The following CSMD2 variants were observed in gnomAD, a reference collection of about 807,000 sequenced individuals.
CSMD2 encodes CUB and Sushi multiple domains 2, also known as CUB and sushi domain-containing protein 2.
A neutral mutation model predicts 398.5 loss-of-function variants in CSMD2; 130 were observed. The ratio of observed to expected loss-of-function variants is 0.33; its 90% CI spans 0.28 to 0.38. The LOEUF is 0.38. Among genes scored for constraint, CSMD2 ranks in the 10% least tolerant of loss-of-function variants. CSMD2 has a pLI of 1.00. For synonymous variants in CSMD2, 1,828 were observed against 1,908.5 expected (o/e 0.96, Z 1.10); for missense variants, 3,829 against 4,764.9 (o/e 0.80, Z 5.78).
At chr1:33,609,257 C>G (rs1347876849) in intron 41 of CSMD2, among the ~76,000 whole-genome samples, 2 of 152,170 alleles carry the variant, frequency 1.3e-5, no homozygotes, top group African/African-American at 4.8e-5. Flanking sequence ...AGAACTGATT[C>G]AGTTGCACCC....
intron 13 of CSMD2, among the ~76,000 whole-genome samples, chr1:33,750,143 A>C (rs1648019722): frequency 6.6e-6 from 1 of 152,208 alleles, no homozygotes; most frequent in East Asian, 1.9e-4. Context: ...CTGGTTGAAA[A>C]TAATTCATAT....
At chr1:33,587,336 C>A (rs1639156389) in intron 44 of CSMD2, among the ~76,000 whole-genome samples, 168 bp from the exon 45 acceptor site, 1 of 152,150 alleles carries the variant, frequency 6.6e-6, no homozygotes. Flanking sequence ...TTTTGCTTAT[C>A]TTCTGTCATC....
chr1:33,675,927 C>G (rs1300498788), intron 25 of CSMD2, among the ~76,000 whole-genome samples: 1 of 152,204 alleles, frequency 6.6e-6, no homozygotes, highest in Non-Finnish European at 1.5e-5. Flanking sequence ...GCTAAAAACT[C>G]TCAATAAATT....
chr1:33,737,324 T>C (rs1646916480), intron 15 of CSMD2, among the ~76,000 whole-genome samples: 1 of 152,198 alleles, frequency 6.6e-6, no homozygotes, highest in African/African-American at 2.4e-5. Context: ...TGTCTATTCA[T>C]GTCACGGTTG....
Position 33,714,631 on chromosome 1 carries a change from C to T in CSMD2, c.3362G>A (p.Gly1121Glu). ...CGAGCTCCACAGGCGCCGTCTGCCC[C>T]CCAGGCACGTGATGCGGGCGGTGCC... ...LEGTARITCL[G>E]GRRRLWSSPL... The change falls in exon 21 of 71, where the codon GGG becomes GAG. Residue 1121 changes from glycine (G) to glutamate (E), a missense_variant. This residue lies in a region of CSMD2 where 2,001 missense variants were observed against 2,567.1 expected (regional missense o/e 0.78). Transcript: ENST00000373381. 1 of 1,614,018 alleles carries T rather than the reference C, an allele frequency of 6.2e-7. No individual in the cohort carries two copies. The highest frequency in any genetic ancestry group is 8.5e-7 in the Non-Finnish European group (1 of 1,180,048).
intron 6 of CSMD2, among the ~76,000 whole-genome samples, chr1:33,835,947 T>C (rs953569441): frequency 7.2e-5 from 11 of 152,210 alleles, no homozygotes. Context: ...CTCTGATTTT[T>C]AGAATTTTCA....
chr1:33,665,762 C>T (rs186821233), intron 25 of CSMD2, among the ~76,000 whole-genome samples: 1 of 152,150 alleles, frequency 6.6e-6, no homozygotes, highest in Admixed American at 6.5e-5. Flanking sequence ...GTTCATTACT[C>T]TTCCAAATTG....
chr1:33,595,406 C>T (rs979399933), intron 44 of CSMD2, among the ~76,000 whole-genome samples: 1 of 152,110 alleles, frequency 6.6e-6, no homozygotes, highest in African/African-American at 2.4e-5. Flanking sequence ...TTCAATTTGT[C>T]CCATTATTGA....
intron 53 of CSMD2, among the ~76,000 whole-genome samples, chr1:33,566,776 C>T (rs962294453): frequency 6.6e-6 from 1 of 152,032 alleles, no homozygotes; most frequent in Non-Finnish European, 1.5e-5. Context: ...AGACAGCAAC[C>T]ATCTTTATAG....
At chr1:34,138,807 C>G (rs1639002516) in intron 1 of CSMD2, among the ~76,000 whole-genome samples, 1 of 152,190 alleles carries the variant, frequency 6.6e-6, no homozygotes, top group African/African-American at 2.4e-5. Context: ...AGCATATACT[C>G]CTTTTTTTGA....
At chr1:33,534,755 A>C (rs1655606124) in intron 62 of CSMD2, among the ~76,000 whole-genome samples, 1 of 152,218 alleles carries the variant, frequency 6.6e-6, no homozygotes, top group South Asian at 2.1e-4. Context: ...GGATTTCATC[A>C]TTTGACTTAG....
intron 49 of CSMD2, 110 bp downstream of exon 49, chr1:33,577,186 A>C: frequency 9.9e-7 from 1 of 1,013,992 alleles, no homozygotes; most frequent in Non-Finnish European, 1.4e-6. Flanking sequence ...AAAGAATGAA[A>C]TAATTATCAA....
chr1:33,731,424 G>C (rs1646715127), intron 15 of CSMD2, among the ~76,000 whole-genome samples: 1 of 152,032 alleles, frequency 6.6e-6, no homozygotes, highest in Non-Finnish European at 1.5e-5. Flanking sequence ...TGAAGACATT[G>C]CCTACAAGAT....
chr1:34,018,707 AC>A (rs1252018119), intron 3 of CSMD2, among the ~76,000 whole-genome samples: 1 of 152,236 alleles, frequency 6.6e-6, no homozygotes, highest in Non-Finnish European at 1.5e-5. Context: ...ACTCCTTGAT[AC>A]CTTTCTTACC....
At chr1:33,783,430 ATTCTCTCTCTCT>A (rs759482062) in intron 12 of CSMD2, among the ~76,000 whole-genome samples, 1 of 70,800 alleles carries the variant, frequency 1.4e-5, no homozygotes. Flanking sequence ...TCATTCTCTC[ATTCTCTCTCTCT>A]CTCTCTCTCT....
At chr1:33,905,670 G>A (rs12125094) in intron 5 of CSMD2, among the ~76,000 whole-genome samples, 37,891 of 152,142 alleles carry the variant, frequency 0.25, 4,867 homozygotes, top group Middle Eastern at 0.31. Context: ...ATTGGAACAT[G>A]CCTTTATGGT....
chr1:33,920,393 T>C (rs1355610444), intron 4 of CSMD2, among the ~76,000 whole-genome samples: 2 of 146,438 alleles, frequency 1.4e-5, no homozygotes, highest in Admixed American at 1.4e-4. Flanking sequence ...AAAAAAAAAG[T>C]TGGCTGGGTG....
intron 29 of CSMD2, among the ~76,000 whole-genome samples, chr1:33,645,825 A>C (rs1278369874): frequency 6.6e-6 from 1 of 152,236 alleles, no homozygotes; most frequent in Non-Finnish European, 1.5e-5. Flanking sequence ...GCAAATGTTA[A>C]GTCATAAACA....
At chr1:34,131,210 T>C (rs1663309419) in intron 1 of CSMD2, among the ~76,000 whole-genome samples, 1 of 152,142 alleles carries the variant, frequency 6.6e-6, no homozygotes. Context: ...GGGGCTATTA[T>C]AACCCCACTT....
Sources: gnomAD v4.1 joint callset for allele counts (sites outside exome capture counted in the v4.1 genomes callset) on GRCh38, gnomAD v4.1.1 for gene constraint, gnomAD v4.1.1 regional missense constraint, MANE v1.5 for transcripts, NCBI Gene and HGNC (gene_info 2026-07-23, HGNC 2026-07-21) for gene names.